MARCHF11: variants seen among roughly 807,000 people sequenced by gnomAD.
MARCHF11 encodes E3 ubiquitin-protein ligase MARCHF11.
In MARCHF11, 29 loss-of-function variants were observed where a neutral mutation model predicts 37.3. That is an observed-to-expected ratio of 0.78 (90% confidence interval 0.58 to 1.06). The LOEUF (loss-of-function observed/expected upper bound fraction) is 1.06, where lower values mean the gene tolerates loss of function less well. Among genes scored for constraint, MARCHF11 ranks in the 50% least tolerant of loss-of-function variants. MARCHF11 has a pLI of 0.00. For missense variants in MARCHF11, 482 were observed against 533.4 expected (o/e 0.90, Z 0.95); for synonymous variants, 233 against 228.0 (o/e 1.02, Z -0.20).
chr5:16,171,158 G>C (rs917707368), intron 2 of MARCHF11, among the ~76,000 whole-genome samples: 2 of 151,716 alleles, frequency 1.3e-5, no homozygotes, highest in Non-Finnish European at 2.9e-5. Flanking sequence ...ACATTGTGCA[G>C]GTTAGTTACA....
At chr5:16,091,133 G>GA (rs11389357) in intron 2 of MARCHF11, 52 bp from the exon 3 acceptor site, 985,489 of 1,114,408 alleles carry the variant, frequency 0.88, 431,450 homozygotes, top group Admixed American at 0.9. Context: ...AATTAAAAAA[G>GA]AAAAAAAAAC....
chr5:16,157,674 C>T (rs1737999813), intron 2 of MARCHF11, among the ~76,000 whole-genome samples: 2 of 151,792 alleles, frequency 1.3e-5, no homozygotes, highest in Non-Finnish European at 2.9e-5. Flanking sequence ...ACACTGCATA[C>T]AAAAATCAAC....
chr5:16,146,536 ACT>A (rs1410371163), intron 2 of MARCHF11, among the ~76,000 whole-genome samples: 1 of 152,116 alleles, frequency 6.6e-6, no homozygotes, highest in East Asian at 1.9e-4. Flanking sequence ...AGGGACCAGG[ACT>A]CTACGGCTCA....
intron 2 of MARCHF11, among the ~76,000 whole-genome samples, chr5:16,175,914 A>T (rs1347541406): frequency 6.6e-6 from 1 of 152,214 alleles, no homozygotes; most frequent in Non-Finnish European, 1.5e-5. Context: ...AATAAAATTA[A>T]TCCTAAATAT....
At chr5:16,114,426 G>T (rs1425180963) in intron 2 of MARCHF11, among the ~76,000 whole-genome samples, 2 of 152,288 alleles carry the variant, frequency 1.3e-5, no homozygotes, top group African/African-American at 4.8e-5. Flanking sequence ...TCTAAAATCT[G>T]AAATTTTTGA....
chr5:16,153,557 A>C (rs1160430960), intron 2 of MARCHF11, among the ~76,000 whole-genome samples: 1 of 152,032 alleles, frequency 6.6e-6, no homozygotes, highest in Non-Finnish European at 1.5e-5. Flanking sequence ...TTATTTTAAC[A>C]AAGATCACAT....
intron 1 of MARCHF11, 51 bp downstream of exon 1, chr5:16,178,987 CG>C (rs2126614583): frequency 7.3e-7 from 1 of 1,366,378 alleles, no homozygotes; most frequent in Admixed American, 3.4e-5. Flanking sequence ...AAAGCTTGAC[CG>C]GCGCGAGCTG....
intron 2 of MARCHF11, among the ~76,000 whole-genome samples, chr5:16,174,866 G>A (rs936555970): frequency 1.3e-5 from 2 of 152,168 alleles, no homozygotes; most frequent in African/African-American, 2.4e-5. Flanking sequence ...GACTCCAGAA[G>A]TGGAGTCTAT....
intron 2 of MARCHF11, among the ~76,000 whole-genome samples, chr5:16,144,587 C>T (rs1315742816): frequency 6.6e-6 from 1 of 152,074 alleles, no homozygotes; most frequent in East Asian, 1.9e-4. Flanking sequence ...TTCGTTAAGG[C>T]GTGCATTCTG....
intron 3 of MARCHF11, among the ~76,000 whole-genome samples, chr5:16,070,469 G>A (rs566185240): frequency 2.9e-4 from 44 of 152,296 alleles, no homozygotes; most frequent in African/African-American, 1.1e-3. Flanking sequence ...ATTACAGCCC[G>A]AGACAGGTTC....
intron 2 of MARCHF11, among the ~76,000 whole-genome samples, chr5:16,170,354 TA>T (rs1738243721): frequency 6.7e-6 from 1 of 149,682 alleles, no homozygotes; most frequent in African/African-American, 2.4e-5. Flanking sequence ...AAAGAGCAGA[TA>T]TGTCTCACTG....
intron 2 of MARCHF11, among the ~76,000 whole-genome samples, chr5:16,094,671 A>G (rs1736837898): frequency 6.6e-6 from 1 of 152,192 alleles, no homozygotes; most frequent in Non-Finnish European, 1.5e-5. Flanking sequence ...ATTCTTTCAT[A>G]TTCCTGAAAA....
At chr5:16,145,872 T>C (rs974742885) in intron 2 of MARCHF11, among the ~76,000 whole-genome samples, 1 of 152,186 alleles carries the variant, frequency 6.6e-6, no homozygotes, top group South Asian at 2.1e-4. Flanking sequence ...GTAAGATTTA[T>C]CTACTTTTGT....
rs1738384553 is a variant in MARCHF11 at position 16,177,654 on chromosome 5, G to C, written c.693+72C>G. The C allele has an allele frequency of 3.9e-6, 5 of 1,287,164 alleles. No homozygotes were observed. In the Admixed American group the frequency reaches 1.3e-4, roughly 35 times the overall value. The allele number at this position is 1,287,164 out of a possible 1,614,324, so 79.7% of individuals were successfully genotyped here. A position where few individuals can be genotyped will look rare whatever the true frequency, so the allele number is the denominator to read the frequency against. On this transcript the variant is annotated intron_variant, in intron 2 of 3. Coordinates refer to ENST00000332432, the MANE Select transcript of MARCHF11 (RefSeq NM_001102562.3). ...TAAGTAGCATAAGTAAATATCCTTA[G>C]TAATAACTAAGCTTAAGTGCATTCA...
chr5:16,138,857 T>C (rs1737655944), intron 2 of MARCHF11, among the ~76,000 whole-genome samples: 1 of 152,196 alleles, frequency 6.6e-6, no homozygotes, highest in Non-Finnish European at 1.5e-5. Context: ...GCAACCTCTT[T>C]GTTTTGGCCA....
intron 3 of MARCHF11, among the ~76,000 whole-genome samples, chr5:16,084,067 G>A (rs1032293093): frequency 1.3e-5 from 2 of 151,992 alleles, no homozygotes; most frequent in Non-Finnish European, 1.5e-5. Flanking sequence ...GTTAGATTAC[G>A]TGAAACTTTT....
intron 2 of MARCHF11, among the ~76,000 whole-genome samples, chr5:16,105,226 T>C (rs1391693627): frequency 2.0e-5 from 3 of 152,192 alleles, no homozygotes; most frequent in Non-Finnish European, 4.4e-5. Context: ...AGAAATTCTT[T>C]CCACTGACAT....
intron 2 of MARCHF11, among the ~76,000 whole-genome samples, chr5:16,142,455 G>A (rs896245913): frequency 3.3e-5 from 5 of 152,062 alleles, no homozygotes; most frequent in East Asian, 1.9e-4. Context: ...TAGACAGCTC[G>A]CAGGGTAAAC....
intron 2 of MARCHF11, among the ~76,000 whole-genome samples, chr5:16,104,700 GTTTT>G (rs1461308201): frequency 2.0e-5 from 3 of 151,878 alleles, no homozygotes; most frequent in Admixed American, 1.3e-4. Flanking sequence ...AAAAGTTCAG[GTTTT>G]TTTGTTTGTT....
Sources: allele counts gnomAD v4.1 joint callset (sites outside exome capture counted in the v4.1 genomes callset), GRCh38; gene constraint gnomAD v4.1.1; transcripts MANE v1.5; gene names NCBI Gene and HGNC (gene_info 2026-07-23, HGNC 2026-07-21).